CCDC144A: variants seen among roughly 807,000 people sequenced by gnomAD.
CCDC144A encodes the protein coiled-coil domain-containing protein 144A.
Under a neutral mutation model 143.8 loss-of-function variants are expected in CCDC144A, and 41 were observed. The ratio of observed to expected loss-of-function variants is 0.29; its 90% CI spans 0.22 to 0.37. The LOEUF (loss-of-function observed/expected upper bound fraction) is 0.37. CCDC144A is among the 10% of genes least tolerant of loss of function. The pLI, the probability that CCDC144A is intolerant of heterozygous loss-of-function variation, is 1.00. For missense variants in CCDC144A, 637 were observed against 1,488.8 expected (o/e 0.43, Z 9.41); for synonymous variants, 242 against 517.9 (o/e 0.47, Z 7.23).
intron 6 of CCDC144A, among the ~76,000 whole-genome samples, chr17:16,712,828 T>G (rs1420278295): frequency 1.3e-5 from 2 of 152,174 alleles, no homozygotes; most frequent in Non-Finnish European, 2.9e-5. Flanking sequence ...TAAAGTCTAT[T>G]TAAAGCCTTT....
intron 8 of CCDC144A, among the ~76,000 whole-genome samples, chr17:16,724,995 G>T: frequency 1.1e-5 from 1 of 93,928 alleles, no homozygotes; most frequent in South Asian, 3.8e-4. Flanking sequence ...ACTGTTTATA[G>T]CTGGTAATTT....
chr17:16,747,482 A>G (rs1233011758), intron 12 of CCDC144A, among the ~76,000 whole-genome samples: 1 of 152,218 alleles, frequency 6.6e-6, no homozygotes, highest in African/African-American at 2.4e-5. Context: ...TAGGAATGGT[A>G]TTGAATCTGT....
At chr17:16,767,828 A>G (rs189973770) in intron 15 of CCDC144A, among the ~76,000 whole-genome samples, 5 of 152,376 alleles carry the variant, frequency 3.3e-5, no homozygotes, top group African/African-American at 1.2e-4. Flanking sequence ...GACAGTTAGC[A>G]TTTATTGCAT....
At chr17:16,709,923 G>A (rs1415663260) in intron 5 of CCDC144A, 1 of 341,124 alleles carries the variant, frequency 2.9e-6, no homozygotes, top group African/African-American at 2.2e-5. Context: ...GAGGCGTCAA[G>A]AAAATCGCTA....
intron 8 of CCDC144A, among the ~76,000 whole-genome samples, chr17:16,722,135 A>C (rs1263019644): frequency 6.7e-6 from 1 of 149,842 alleles, no homozygotes; most frequent in Non-Finnish European, 1.5e-5. Context: ...ACTGAGAGGG[A>C]TTTTTTTTTT....
rs1487912415 is a variant in CCDC144A at position 16,708,949 on chromosome 17, T to A, written c.892T>A (p.Leu298Ile). The A allele has an allele frequency of 6.2e-7, 1 of 1,611,526 alleles. No homozygotes were observed. The highest frequency in any genetic ancestry group is 8.5e-7 in the Non-Finnish European group (1 of 1,179,574). Residue 298 changes from leucine (L) to isoleucine (I), a missense_variant, in exon 5 of 17, where the codon TTA becomes ATA. Coordinates refer to ENST00000399273, the MANE Select transcript of CCDC144A (RefSeq NM_001382000.1). Reference sequence around the variant, plus strand: ...CCAATTAAAACTCGTCATAAATGAGTTAAAGCAGAGGTTTGGTGAAATTTA... The same window carrying A: ...CCAATTAAAACTCGTCATAAATGAGATAAAGCAGAGGTTTGGTGAAATTTA... The part of the protein sequence containing the change: ...KNQLKLVINE[L>I]KQRFGEIYEK...
At chr17:16,680,078 A>G in the CCDC144A span, among the ~76,000 whole-genome samples, 3 of 152,004 alleles carry the variant, frequency 2.0e-5, no homozygotes, top group African/African-American at 4.8e-5. Context: ...ATGTCTTCCA[A>G]ATTTTAAGGA....
intron 15 of CCDC144A, among the ~76,000 whole-genome samples, chr17:16,768,608 T>C (rs1397876013): frequency 6.6e-6 from 1 of 152,286 alleles, no homozygotes; most frequent in East Asian, 1.9e-4. Flanking sequence ...TTTCACATTC[T>C]AGATTAACCC....
At chr17:16,667,260 CGGCTGAGGCGGCTGAGG>C in the CCDC144A span, 1 of 204,076 alleles carries the variant, frequency 4.9e-6, no homozygotes, top group South Asian at 5.1e-5. Flanking sequence ...GCGGCTGAGG[CGGCTGAGGCGGCTGAGG>C]GGCTGAGGGG....
intron 15 of CCDC144A, 115 bp downstream of exon 15, chr17:16,764,290 G>A (rs1369081354): frequency 4.0e-6 from 6 of 1,512,742 alleles, no homozygotes; most frequent in African/African-American, 2.8e-5. Flanking sequence ...ATAATTACCT[G>A]TGTTAATAAA....
the CCDC144A span, among the ~76,000 whole-genome samples, chr17:16,668,004 A>G: frequency 6.7e-6 from 1 of 148,994 alleles, no homozygotes. Context: ...GTGTTTTCCA[A>G]CTTAGAGTTA....
intron 12 of CCDC144A, among the ~76,000 whole-genome samples, chr17:16,751,619 G>C (rs969968605): frequency 6.6e-6 from 1 of 152,220 alleles, no homozygotes; most frequent in African/African-American, 2.4e-5. Flanking sequence ...TTAGGGCAGC[G>C]GCCCAAGCCA....
At chr17:16,724,509 CAAAAA>C (rs1194753881) in intron 8 of CCDC144A, among the ~76,000 whole-genome samples, 2 of 65,914 alleles carry the variant, frequency 3.0e-5, no homozygotes, top group Admixed American at 1.5e-4. Context: ...GACTCCGTCT[CAAAAA>C]AAAAAAAAAA....
At chr17:16,706,742 C>CA (rs1287915175) in intron 3 of CCDC144A, 12 of 151,724 alleles carry the variant, frequency 7.9e-5, no homozygotes, top group Non-Finnish European at 1.6e-4. Context: ...ACTCTTTGTA[C>CA]AAAGATGATT....
Position 16,776,338 on chromosome 17 carries a change from A to G in CCDC144A, c.*2705A>G, listed in dbSNP as rs1388807222. The G allele has an allele frequency of 2.0e-5, 3 of 152,144 alleles. No homozygotes were observed. Among genetic ancestry groups the G allele is most frequent in the African/African-American group, 7.2e-5 (3 of 41,384 alleles). 9.4% of individuals were successfully genotyped at this position (152,144 alleles called of 1,614,324 possible). ...ATATTGAACCTTCCTGTCTGTGAGC[A>G]TATGTTTTTCCATTTGTTTGTGTCA... On this transcript the variant is annotated 3_prime_UTR_variant, in exon 17 of 17. Transcript: ENST00000399273.
At chr17:16,702,433 A>G (rs1367979060) in intron 2 of CCDC144A, among the ~76,000 whole-genome samples, 1 of 152,224 alleles carries the variant, frequency 6.6e-6, no homozygotes, top group African/African-American at 2.4e-5. Flanking sequence ...CATCTGCCCC[A>G]GAAGAGGATT....
intron 16 of CCDC144A, among the ~76,000 whole-genome samples, chr17:16,773,064 A>G (rs1428697043): frequency 6.6e-6 from 1 of 152,160 alleles, no homozygotes; most frequent in Admixed American, 6.5e-5. Context: ...TTAGCATTGT[A>G]GTCATACATA....
In CCDC144A at chr17:16,734,671, T is replaced by A; in HGVS notation, c.2419-19T>A. The A allele has an allele frequency of 2.0e-6, 3 of 1,501,724 alleles. No homozygotes were observed. 93.0% of individuals were successfully genotyped at this position (1,501,724 alleles called of 1,614,324 possible). ...TGTCATTTTATTGAGTGCTACTGAA[T>A]GTTTCCTTTCTTACTTAGATTTCTC... On this transcript the variant is annotated intron_variant, in intron 11 of 16. Coordinates refer to ENST00000399273, the MANE Select transcript of CCDC144A (RefSeq NM_001382000.1).
chr17:16,777,411 T>C lies in CCDC144A; in HGVS notation c.*3778T>C, dbSNP rs1468066910. On this transcript the variant is annotated 3_prime_UTR_variant, in exon 17 of 17. Transcript: ENST00000399273. ...CTACCCAACAAGCATAGAATATACA[T>C]TGTATACATCAGAACACGGGACATT... 4.0e-5 allele frequency: 6 copies of C among 151,734 alleles called. No individual in the cohort carries two copies. The highest frequency in any genetic ancestry group is 1.5e-4 in the African/African-American group (6 of 41,204). The allele number at this position is 151,734 out of a possible 1,614,324, so 9.4% of individuals were successfully genotyped here.
Sources: gnomAD v4.1 joint callset for allele counts (sites outside exome capture counted in the v4.1 genomes callset) on GRCh38, gnomAD v4.1.1 for gene constraint, MANE v1.5 for transcripts, NCBI Gene and HGNC (gene_info 2026-07-23, HGNC 2026-07-21) for gene names.